CUTC: variants seen among roughly 807,000 people sequenced by gnomAD.
CUTC encodes cutC copper transporter.
Under a neutral mutation model 36.2 loss-of-function variants are expected in CUTC, and 27 were observed. The observed-to-expected ratio is 0.75, with a 90% confidence interval of 0.55 to 1.03. The LOEUF (loss-of-function observed/expected upper bound fraction) is 1.03, where lower values mean the gene tolerates loss of function less well. Ranked by LOEUF, CUTC falls within the 50% of genes least tolerant of loss-of-function variation. The probability of loss-of-function intolerance (pLI) is 0.00; values close to 1 mark genes in which losing one functional copy is unlikely to be tolerated. For missense variants in CUTC, 315 were observed against 343.5 expected, an observed-to-expected ratio of 0.92 and a Z score of 0.66; for synonymous variants, 114 against 118.3, an observed-to-expected ratio of 0.96 and a Z score of 0.24.
intron 1 of CUTC, among the ~76,000 whole-genome samples, chr10:99,734,694 AT>A (rs2037280416): frequency 6.6e-6 from 1 of 152,180 alleles, no homozygotes; most frequent in African/African-American, 2.4e-5. Context: ...ACTTTGTAAT[AT>A]AAATACATTA....
Position 99,747,320 on chromosome 10 carries a change from GC to G in CUTC, c.504del (p.Val169CysfsTer2). 6.2e-7 allele frequency: 1 copy of G among 1,614,120 alleles called. No individual in the cohort carries two copies. The highest frequency in any genetic ancestry group is 8.5e-7 in the Non-Finnish European group (1 of 1,179,970). Reference sequence around the variant, plus strand: ...ACCCTCTTAACCTTGGGATTTGAACGCGTGTTGACCAGTGGATGTGACAGTT... The same window carrying G: ...ACCCTCTTAACCTTGGGATTTGAACGGTGTTGACCAGTGGATGTGACAGTT... ...LETLLTLGFE[R>X]VLTSGCDSSA... On this transcript the variant is annotated frameshift_variant, in exon 6 of 9. Transcript: ENST00000370476. LOFTEE classifies it high-confidence loss of function.
rs760653015 is a variant in CUTC at position 99,739,661 on chromosome 10, T to C, written c.134-49T>C. On this transcript the variant is annotated intron_variant, in intron 2 of 8. Coordinates refer to ENST00000370476, the MANE Select transcript of CUTC (RefSeq NM_015960.3). ...TATATATAAACAGGTTGCTGTTTAA[T>C]AACAGCTTATTTTTTAAAAATGTGT... 3.2e-6 allele frequency: 5 copies of C among 1,544,048 alleles called. No homozygotes were observed. In the African/African-American group the frequency reaches 6.8e-5, roughly 21 times the overall value.
At chr10:99,750,222 A>C in intron 6 of CUTC, 147 bp from the exon 7 acceptor site, 1 of 467,118 alleles carries the variant, frequency 2.1e-6, no homozygotes, top group South Asian at 3.8e-5. Flanking sequence ...ATCCCAAAGA[A>C]ATAGAGAAGA....
intron 6 of CUTC, 92 bp downstream of exon 6, chr10:99,747,482 C>T (rs1052894934): frequency 7.6e-6 from 11 of 1,444,536 alleles, no homozygotes; most frequent in Middle Eastern, 3.6e-4. Flanking sequence ...CTATATATTA[C>T]TGACTTTGTG....
intron 2 of CUTC, among the ~76,000 whole-genome samples, chr10:99,736,752 AT>A (rs1276599752): frequency 3.3e-5 from 5 of 152,188 alleles, no homozygotes; most frequent in Non-Finnish European, 7.4e-5. Flanking sequence ...TTAAAAAAAA[AT>A]TTTATTATGG....
intron 7 of CUTC, among the ~76,000 whole-genome samples, chr10:99,751,137 T>C (rs1050336110): frequency 6.6e-6 from 1 of 152,226 alleles, no homozygotes; most frequent in African/African-American, 2.4e-5. Context: ...TATCCTGAGG[T>C]ATTTTATTAA....
At chr10:99,735,473 T>C (rs1370416629) in intron 1 of CUTC, among the ~76,000 whole-genome samples, 1 of 152,150 alleles carries the variant, frequency 6.6e-6, no homozygotes, top group African/African-American at 2.4e-5. Context: ...AGTAGCACAA[T>C]CTTGGCTCAC....
Position 99,732,413 on chromosome 10 carries a change from C to G in CUTC, c.61+4C>G. The G allele has an allele frequency of 3.9e-6, 6 of 1,550,350 alleles. No individual in the cohort carries two copies. The highest frequency in any genetic ancestry group is 5.2e-6 in the Non-Finnish European group (6 of 1,147,014). On this transcript the variant is annotated splice_donor_region_variant and intron_variant, in intron 1 of 8. Transcript: ENST00000370476. ...CGGATACCGTCCGGGAAGGCCGGTG[C>G]GGAAGGTGGCGGGGGAGGGGACGGT...
intron 1 of CUTC, among the ~76,000 whole-genome samples, chr10:99,734,425 T>A (rs958086046): frequency 6.6e-6 from 1 of 152,140 alleles, no homozygotes; most frequent in African/African-American, 2.4e-5. Context: ...AGATGATAGG[T>A]TTTTGTTTTA....
At chr10:99,755,504 A>G (rs1346280289) in intron 8 of CUTC, 121 bp from the exon 9 acceptor site, 1 of 634,390 alleles carries the variant, frequency 1.6e-6, no homozygotes, top group Non-Finnish European at 2.8e-6. Flanking sequence ...AAATTATGGA[A>G]TATACTAGTC....
chr10:99,743,454 C>A, intron 4 of CUTC, 92 bp downstream of exon 4: 1 of 1,163,696 alleles, frequency 8.6e-7, no homozygotes, highest in Non-Finnish European at 1.3e-6. Context: ...ACTGACTTTG[C>A]GGTCATAGCT....
chr10:99,745,613 C>T (rs1017655506), intron 5 of CUTC, among the ~76,000 whole-genome samples: 1 of 152,210 alleles, frequency 6.6e-6, no homozygotes, highest in African/African-American at 2.4e-5. Flanking sequence ...AATCCTACCA[C>T]TTTGGGAGAC....
At chr10:99,748,525 T>G (rs1448720184) in intron 6 of CUTC, among the ~76,000 whole-genome samples, 2 of 152,232 alleles carry the variant, frequency 1.3e-5, no homozygotes, top group East Asian at 3.8e-4. Context: ...AAGGGCTAAG[T>G]GTCTGTGTGT....
intron 2 of CUTC, among the ~76,000 whole-genome samples, 197 bp downstream of exon 2, chr10:99,736,514 A>G (rs1447242286): frequency 6.6e-6 from 1 of 152,220 alleles, no homozygotes; most frequent in Admixed American, 6.5e-5. Context: ...ATTTTAAGTC[A>G]AGTGTCGACA....
chr10:99,735,034 G>T (rs551939836), intron 1 of CUTC, among the ~76,000 whole-genome samples: 2 of 150,682 alleles, frequency 1.3e-5, no homozygotes, highest in African/African-American at 4.9e-5. Flanking sequence ...CCTGGGAGGC[G>T]GAGGTTGCAG....
rs1452588908 is a variant in CUTC at position 99,743,207 on chromosome 10, G to A, written c.248G>A (p.Arg83Gln). The A allele has an allele frequency of 9.3e-6, 15 of 1,614,010 alleles. No individual in the cohort carries two copies. The highest frequency in any genetic ancestry group is 6.7e-5 in the African/African-American group (5 of 75,006). Residue 83 changes from arginine to glutamine, a missense_variant, in exon 4 of 9, where the codon CGG (arginine) becomes CAG (glutamine). Coordinates refer to ENST00000370476, the MANE Select transcript of CUTC (RefSeq NM_015960.3). ...CAGATCCCAGTTTTTGTGATGATTC[G>A]GCCACGGGGAGGTGATTTTTTGTAT... ...SVQIPVFVMI[R>Q]PRGGDFLYSD...
chr10:99,746,813 G>A (rs570928225), intron 5 of CUTC, among the ~76,000 whole-genome samples: 7 of 151,888 alleles, frequency 4.6e-5, no homozygotes, highest in South Asian at 4.2e-4. Flanking sequence ...TTGCTCTGTC[G>A]TCCAGGCTAG....
intron 4 of CUTC, 134 bp downstream of exon 4, chr10:99,743,496 A>G: frequency 1.3e-6 from 1 of 764,692 alleles, no homozygotes; most frequent in Non-Finnish European, 2.1e-6. Context: ...AGTATTTCAA[A>G]TAGTAGTTAT....
intron 8 of CUTC, among the ~76,000 whole-genome samples, chr10:99,755,240 C>A (rs564937739): frequency 6.6e-6 from 1 of 151,974 alleles, no homozygotes; most frequent in African/African-American, 2.4e-5. Context: ...GTAATCCCAG[C>A]GCTTTGGGAG....
Sources: allele counts gnomAD v4.1 joint callset (sites outside exome capture counted in the v4.1 genomes callset), GRCh38; gene constraint gnomAD v4.1.1; transcripts MANE v1.5; gene names NCBI Gene and HGNC (gene_info 2026-07-23, HGNC 2026-07-21).